Variants in ANKDD1A observed in about 807,000 individuals in gnomAD.
ANKDD1A encodes ankyrin repeat and death domain-containing protein 1A.
In ANKDD1A, 59 loss-of-function variants were observed where a neutral mutation model predicts 63.5. The observed-to-expected ratio is 0.93, with a 90% CI of 0.75 to 1.15. The LOEUF (loss-of-function observed/expected upper bound fraction) is 1.15, where lower values mean the gene tolerates loss of function less well. ANKDD1A is among the 50% of genes most tolerant of loss of function. The pLI, the probability that ANKDD1A is intolerant of heterozygous loss-of-function variation, is 0.00. For missense variants in ANKDD1A, 632 were observed against 656.4 expected, an observed-to-expected ratio of 0.96 and a Z score of 0.41; for synonymous variants, 266 against 263.9, an observed-to-expected ratio of 1.01 and a Z score of -0.08.
intron 12 of ANKDD1A, 67 bp downstream of exon 12, chr15:64,944,814 G>T (rs1474134952): frequency 6.5e-7 from 1 of 1,549,844 alleles, no homozygotes; most frequent in South Asian, 1.2e-5. Context: ...AGATGGAGCT[G>T]GCTTTGAACC....
chr15:64,927,852 G>T (rs1340662396), intron 6 of ANKDD1A, among the ~76,000 whole-genome samples: 1 of 152,038 alleles, frequency 6.6e-6, no homozygotes, highest in African/African-American at 2.4e-5. Context: ...TGATCCACCC[G>T]CCTCAGCCTC....
In ANKDD1A at chr15:64,942,348, G is replaced by A. The variant is rs2085190779; in HGVS notation, c.868-119G>A. 4 of 649,576 alleles carry A rather than the reference G, an allele frequency of 6.2e-6. No homozygotes were observed. The East Asian group carries it at 1.3e-4, about 21-fold the overall frequency. 40.2% of individuals were successfully genotyped at this position (649,576 alleles called of 1,614,324 possible). On this transcript the variant is annotated intron_variant, in intron 9 of 14. Coordinates refer to ENST00000319580, the MANE Select transcript of ANKDD1A (RefSeq NM_182703.6). ...TAAGGCCACCCATGTCATCCAAGAA[G>A]CTAAAAGGGCCAAACCCAGAAGCAC...
At chr15:64,932,997 T>C (rs554305600) in intron 8 of ANKDD1A, among the ~76,000 whole-genome samples, 3 of 149,490 alleles carry the variant, frequency 2.0e-5, no homozygotes, top group South Asian at 4.2e-4. Context: ...TGGGTGGCCA[T>C]TGGGTGGGGG....
intron 6 of ANKDD1A, 118 bp from the exon 7 acceptor site, chr15:64,930,704 G>T: frequency 1.1e-6 from 1 of 912,790 alleles, no homozygotes; most frequent in South Asian, 1.7e-5. Flanking sequence ...ATAGTTTTTG[G>T]CCCAGTTGTC....
rs2085270702 is a variant in ANKDD1A at position 64,951,352 on chromosome 15, TC to T, written c.1483+1381del. ...CCTCTTTTTCTTTCTTCTTTCCTCT[TC>T]TTTCTTCTTCCTCTTTCTTCTTTCT... On this transcript the variant is annotated intron_variant, in intron 14 of 14. Transcript: ENST00000319580. The T allele has an allele frequency of 1.1e-4, 62 of 579,734 alleles. No individual in the cohort carries two copies. The African/African-American group carries it at 1.3e-3, about 12-fold the overall frequency. 35.9% of individuals were successfully genotyped at this position (579,734 alleles called of 1,614,324 possible).
chr15:64,940,311 T>A (rs767176940), intron 9 of ANKDD1A, among the ~76,000 whole-genome samples: 9 of 152,048 alleles, frequency 5.9e-5, no homozygotes, highest in Non-Finnish European at 1.0e-4. Flanking sequence ...ATTCACAAAT[T>A]GTGACAAAAA....
intron 1 of ANKDD1A, among the ~76,000 whole-genome samples, chr15:64,913,236 T>C (rs905023589): frequency 2.0e-5 from 3 of 152,146 alleles, no homozygotes; most frequent in Admixed American, 6.5e-5. Context: ...CCCCCAGTTT[T>C]ACAATGGAAG....
At chr15:64,924,136 C>G (rs955585558) in intron 4 of ANKDD1A, among the ~76,000 whole-genome samples, 5 of 152,248 alleles carry the variant, frequency 3.3e-5, no homozygotes, top group African/African-American at 1.2e-4. Flanking sequence ...CTGGCTGGCC[C>G]TGGAGGGTCT....
chr15:64,953,088 TTCTTA>T (rs1357569269), intron 14 of ANKDD1A, among the ~76,000 whole-genome samples: 1 of 149,756 alleles, frequency 6.7e-6, no homozygotes, highest in Non-Finnish European at 1.5e-5. Context: ...TTCTTCTTCC[TTCTTA>T]TACTTTCTTT....
At chr15:64,921,795 C>T (rs1226052260) in intron 3 of ANKDD1A, 126 bp from the exon 4 acceptor site, 3 of 714,536 alleles carry the variant, frequency 4.2e-6, no homozygotes, top group Non-Finnish European at 7.0e-6. Flanking sequence ...AAGCTTGGAG[C>T]TCCCTGGATT....
At chr15:64,922,900 A>C (rs1320628261) in intron 4 of ANKDD1A, among the ~76,000 whole-genome samples, 2 of 152,146 alleles carry the variant, frequency 1.3e-5, no homozygotes, top group Non-Finnish European at 2.9e-5. Context: ...ATCACATGAA[A>C]ATTTTTGCAG....
intron 14 of ANKDD1A, among the ~76,000 whole-genome samples, chr15:64,951,843 TCTTC>T (rs1349930496): frequency 1.1e-3 from 40 of 36,676 alleles, no homozygotes; most frequent in Admixed American, 2.0e-3. Flanking sequence ...TCTTATTCTT[TCTTC>T]TTCTTTCTTC....
chr15:64,940,750 T>G (rs1410918399), intron 9 of ANKDD1A, among the ~76,000 whole-genome samples: 1 of 147,216 alleles, frequency 6.8e-6, no homozygotes, highest in South Asian at 2.1e-4. Flanking sequence ...GACAGACAGA[T>G]TTTTTAGAGA....
chr15:64,954,929 TCC>T (rs2085402885), intron 14 of ANKDD1A, among the ~76,000 whole-genome samples: 1 of 38,232 alleles, frequency 2.6e-5, no homozygotes, highest in African/African-American at 3.7e-5. Flanking sequence ...CTCCTTCTTC[TCC>T]TTCTTCTTGT....
At chr15:64,922,288 G>A (rs1053925766) in intron 4 of ANKDD1A, 2 of 443,218 alleles carry the variant, frequency 4.5e-6, no homozygotes, top group Non-Finnish European at 8.2e-6. Context: ...TGAGAAGGAG[G>A]TGAGGTCTCC....
At chr15:64,946,442 A>G (rs879430146) in intron 12 of ANKDD1A, among the ~76,000 whole-genome samples, 1 of 152,230 alleles carries the variant, frequency 6.6e-6, no homozygotes, top group Middle Eastern at 3.2e-3. Flanking sequence ...ACCCCTTTAC[A>G]TACAACAGAT....
chr15:64,951,564 C>CTTT (rs200837658), intron 14 of ANKDD1A: 6 of 122,692 alleles, frequency 4.9e-5, no homozygotes, highest in Non-Finnish European at 8.3e-5. Context: ...CTTTCTTTTT[C>CTTT]TTTTCTTTCT....
At chr15:64,932,996 A>T (rs1237767107) in intron 8 of ANKDD1A, among the ~76,000 whole-genome samples, 1 of 149,444 alleles carries the variant, frequency 6.7e-6, no homozygotes, top group Non-Finnish European at 1.5e-5. Context: ...CTGGGTGGCC[A>T]TTGGGTGGGG....
rs2085429254 is a variant in ANKDD1A, at chr15:64,957,564, AATTTGGACAGCC to A, written c.*382_*393del. On this transcript the variant is annotated 3_prime_UTR_variant, in exon 15 of 15. Transcript: ENST00000319580. Reference sequence around the variant, plus strand: ...CAGCACTATAAAGTTGGACTTGGAAAATTTGGACAGCCATTTGCCATTGTAATTTTTATTCTT... The same window carrying A: ...CAGCACTATAAAGTTGGACTTGGAAAATTTGCCATTGTAATTTTTATTCTT... 6.6e-6 allele frequency: 1 copy of A among 152,492 alleles called. No homozygotes were observed. Among genetic ancestry groups the A allele is most frequent in the African/African-American group, 2.4e-5 (1 of 41,450 alleles). The allele number at this position is 152,492 out of a possible 1,614,324, so 9.4% of individuals were successfully genotyped here. A position where few individuals can be genotyped will look rare whatever the true frequency, so the allele number is the denominator to read the frequency against.
Sources: gnomAD v4.1 joint callset for allele counts (sites outside exome capture counted in the v4.1 genomes callset) on GRCh38, gnomAD v4.1.1 for gene constraint, MANE v1.5 for transcripts, NCBI Gene and HGNC (gene_info 2026-07-23, HGNC 2026-07-21) for gene names.